SLC34A1: variants seen among roughly 807,000 people sequenced by gnomAD.
The protein encoded by SLC34A1 is sodium-dependent phosphate transport protein 2A.
Under a neutral mutation model 51.4 loss-of-function variants are expected in SLC34A1, and 57 were observed. The observed-to-expected ratio is 1.11, with a 90% CI of 0.90 to 1.38. SLC34A1 has a LOEUF of 1.38. SLC34A1 is among the 40% of genes most tolerant of loss of function. The pLI is 0.00. For synonymous variants in SLC34A1, 368 were observed against 358.0 expected, an observed-to-expected ratio of 1.03 and a Z score of -0.32; for missense variants, 796 against 835.6, an observed-to-expected ratio of 0.95 and a Z score of 0.58.
chr5:177,394,047 C>A lies in SLC34A1; in HGVS notation c.1026C>A (p.Asp342Glu). Residue 342 changes from aspartate to glutamate, a missense_variant, in exon 10 of 13, where the codon GAC (aspartate) becomes GAA (glutamate). Coordinates refer to ENST00000324417, the MANE Select transcript of SLC34A1 (RefSeq NM_003052.5). ...TMEKCNHIFV[D>E]TGLPDLAVGL... ...CTGCAGGCAACCACATCTTTGTGGA[C>A]ACTGGCCTACCGGACCTGGCTGTGG... 1 of 1,614,058 alleles carries A rather than the reference C, an allele frequency of 6.2e-7. No individual in the cohort carries two copies. The highest frequency in any genetic ancestry group is 1.6e-4 in the Middle Eastern group (1 of 6,062).
intron 12 of SLC34A1, chr5:177,397,297 T>G: frequency 1.7e-6 from 1 of 580,290 alleles, no homozygotes; most frequent in Non-Finnish European, 3.0e-6. Context: ...TAAATAGCAG[T>G]GAGTCGGATT....
At chr5:177,385,024 G>A (rs73336282) in intron 1 of SLC34A1, among the ~76,000 whole-genome samples, 7 of 152,206 alleles carry the variant, frequency 4.6e-5, no homozygotes, top group East Asian at 1.9e-4. Flanking sequence ...GGGGACAAGG[G>A]GGGGCTGAGG....
rs757849732 is a variant in SLC34A1 at position 177,393,678 on chromosome 5, C to G, written c.937-16C>G. ...GTGTTTTCCTAATTCACTAAGTCAC[C>G]CTCCTCCTGATCTAGGCTCCCACCT... is the stretch of plus-strand genomic sequence containing the variant. On this transcript the variant is annotated splice_polypyrimidine_tract_variant and intron_variant, in intron 8 of 12. Coordinates refer to ENST00000324417, the MANE Select transcript of SLC34A1 (RefSeq NM_003052.5). 6 of 1,613,816 alleles carry G rather than the reference C, an allele frequency of 3.7e-6. No homozygotes were observed. The East Asian group carries it at 1.3e-4, about 36-fold the overall frequency.
intron 8 of SLC34A1, chr5:177,390,453 T>A (rs976702075): frequency 1.2e-6 from 1 of 849,178 alleles, no homozygotes; most frequent in African/African-American, 1.9e-5. Flanking sequence ...CCCAGAGAAG[T>A]GCAGTGGCTT....
Position 177,385,977 on chromosome 5 carries a change from C to T in SLC34A1, c.110-10C>T. On this transcript the variant is annotated splice_polypyrimidine_tract_variant and intron_variant, in intron 2 of 12. Transcript: ENST00000324417. ...GGGCCCTGGGGCTCCTGACCAGGCT[C>T]CCTCCCTAGTCCTACACAGGATCCC... The T allele has an allele frequency of 2.5e-6, 4 of 1,610,312 alleles. No homozygotes were observed. The highest frequency in any genetic ancestry group is 3.4e-6 in the Non-Finnish European group (4 of 1,179,504).
At chr5:177,397,102 G>T (rs1391041434) in intron 12 of SLC34A1, 28 bp downstream of exon 12, 1 of 1,609,286 alleles carries the variant, frequency 6.2e-7, no homozygotes, top group South Asian at 1.1e-5. Flanking sequence ...CCTCGCCTGG[G>T]GCAGGATGGA....
chr5:177,392,112 A>G (rs940405746), intron 8 of SLC34A1, among the ~76,000 whole-genome samples: 10 of 152,176 alleles, frequency 6.6e-5, no homozygotes, highest in Non-Finnish European at 2.9e-5. Flanking sequence ...ACATTGCCCC[A>G]TTCAAGGGAG....
chr5:177,394,304 A>T, intron 10 of SLC34A1, 109 bp downstream of exon 10: 1 of 1,231,500 alleles, frequency 8.1e-7, no homozygotes, highest in South Asian at 1.2e-5. Flanking sequence ...TCTGAGACTC[A>T]GTTTCCCGAT....
rs750764456 is a variant in SLC34A1 at position 177,385,732 on chromosome 5, G to T, written c.-10G>T. The T allele has an allele frequency of 1.1e-5, 17 of 1,605,390 alleles. No homozygotes were observed. Among genetic ancestry groups the T allele is most frequent in the Non-Finnish European group, 1.4e-5 (17 of 1,174,050 alleles). On this transcript the variant is annotated 5_prime_UTR_variant, in exon 2 of 13. Coordinates refer to ENST00000324417, the MANE Select transcript of SLC34A1 (RefSeq NM_003052.5). ...CCACTGACCTGCAGACCTCATAGTG[G>T]GTGCCCAGGATGTTGTCCTACGGAG... is the stretch of plus-strand genomic sequence containing the variant.
chr5:177,387,703 G>T, intron 5 of SLC34A1, 59 bp from the exon 6 acceptor site: 1 of 1,391,160 alleles, frequency 7.2e-7, no homozygotes, highest in Admixed American at 1.7e-5. Flanking sequence ...GACAGGAGTT[G>T]TGGTGGTGCA....
At chr5:177,392,955 C>T (rs1359853415) in intron 8 of SLC34A1, among the ~76,000 whole-genome samples, 1 of 152,210 alleles carries the variant, frequency 6.6e-6, no homozygotes, top group African/African-American at 2.4e-5. Flanking sequence ...AGAGTTGTGG[C>T]TTTTCTCATA....
chr5:177,386,485 G>A lies in SLC34A1; in HGVS notation c.451G>A (p.Val151Met), dbSNP rs1337605712. 5 of 1,614,100 alleles carry A rather than the reference G, an allele frequency of 3.1e-6. No homozygotes were observed. In the Admixed American group the frequency reaches 8.3e-5, roughly 27 times the overall value. ...CCTGTCCAACCCGGTGGCCGGGCTG[G>A]TGGTGGGGATCCTGGTGACCGTGCT... is the stretch of plus-strand genomic sequence containing the variant. ...AILSNPVAGLVVGILVTVLVQ... is the reference protein window; with the variant it reads ...AILSNPVAGLMVGILVTVLVQ... The change falls in exon 5 of 13, where the codon GTG (valine) becomes ATG (methionine). Residue 151 changes from valine (V) to methionine (M), a missense_variant. Physicochemically the swap from Val to Met is conservative, Grantham distance 21. Transcript: ENST00000324417. This position sits in a 1 kb window ranked among gnomAD's most constrained non-coding sequence, Gnocchi z 4.8.
At position 177,385,981 on chromosome 5, in the gene SLC34A1, C is replaced by T. The variant is rs773115741; in HGVS notation, c.110-6C>T. 4 of 1,610,224 alleles carry T rather than the reference C, an allele frequency of 2.5e-6. No individual in the cohort carries two copies. The highest frequency in any genetic ancestry group is 4.5e-5 in the East Asian group (2 of 44,802). The stretch of plus-strand genomic sequence containing the variant: ...CCTGGGGCTCCTGACCAGGCTCCCT[C>T]CCTAGTCCTACACAGGATCCCGGGG... On this transcript the variant is annotated splice_polypyrimidine_tract_variant and splice_region_variant and intron_variant, in intron 2 of 12. Transcript: ENST00000324417.
intron 5 of SLC34A1, among the ~76,000 whole-genome samples, chr5:177,387,138 A>AG (rs944424442): frequency 2.4e-4 from 36 of 151,414 alleles, no homozygotes; most frequent in Non-Finnish European, 1.8e-4. Context: ...TGGGAGGCTG[A>AG]GGGGGGCAGA....
chr5:177,393,051 GC>G (rs1387871185), intron 8 of SLC34A1, among the ~76,000 whole-genome samples: 1 of 152,152 alleles, frequency 6.6e-6, no homozygotes, highest in East Asian at 1.9e-4. Context: ...GACTCTACAG[GC>G]CCAGCAGAAA....
At chr5:177,395,880 C>T (rs769630495) in intron 10 of SLC34A1, among the ~76,000 whole-genome samples, 3 of 152,192 alleles carry the variant, frequency 2.0e-5, no homozygotes, top group Non-Finnish European at 4.4e-5. Context: ...GTGAACCTCT[C>T]GCCTTGGCCT....
At chr5:177,390,520 C>T (rs542618288) in intron 8 of SLC34A1, 4 of 302,750 alleles carry the variant, frequency 1.3e-5, no homozygotes, top group Admixed American at 6.6e-5. Flanking sequence ...CTGACTATCT[C>T]GTTGCCTCTC....
At position 177,385,659 on chromosome 5, in the gene SLC34A1, G is replaced by A. The variant is rs1762534921; in HGVS notation, c.-47-36G>A. The A allele has an allele frequency of 3.1e-6, 3 of 976,864 alleles. No individual in the cohort carries two copies. In the Admixed American group the frequency reaches 5.9e-5, roughly 19 times the overall value. The allele number at this position is 976,864 out of a possible 1,614,324, so 60.5% of individuals were successfully genotyped here. A position where few individuals can be genotyped will look rare whatever the true frequency, so the allele number is the denominator to read the frequency against. On this transcript the variant is annotated intron_variant, in intron 1 of 12. Coordinates refer to ENST00000324417, the MANE Select transcript of SLC34A1 (RefSeq NM_003052.5). ...GGGTTTGTGCAGGTGAGGGTGTGTG[G>A]GCATGAGTGTCCCGGACACAGCTAT...
At position 177,388,499 on chromosome 5, in the gene SLC34A1, T is replaced by C; in HGVS notation, c.936+127T>C. 1 of 795,960 alleles carries C rather than the reference T, an allele frequency of 1.3e-6. No homozygotes were observed. The highest frequency in any genetic ancestry group is 2.0e-5 in the Admixed American group (1 of 50,176). The allele number at this position is 795,960 out of a possible 1,614,324, so 49.3% of individuals were successfully genotyped here. On this transcript the variant is annotated intron_variant, in intron 8 of 12. Transcript: ENST00000324417. The surrounding 1 kb of genome is among the most constrained non-coding windows in gnomAD (Gnocchi z 4.3). ...CCAGGAGAGGGCAAATATGTGGCCC[T>C]TCTACTGTGCTTACAGTTAACATTG...
Sources: gnomAD v4.1 joint callset for allele counts (sites outside exome capture counted in the v4.1 genomes callset) on GRCh38, gnomAD v4.1.1 for gene constraint, Gnocchi (gnomAD v3.1) non-coding constraint, MANE v1.5 for transcripts, NCBI Gene and HGNC (gene_info 2026-07-23, HGNC 2026-07-21) for gene names.